Variants in DIAPH2 observed in about 807,000 individuals in gnomAD.
DIAPH2 encodes the protein diaphanous related formin 2.
Under a neutral mutation model 92.7 loss-of-function variants are expected in DIAPH2, and 35 were observed. The ratio of observed to expected loss-of-function variants is 0.38; its 90% CI spans 0.29 to 0.50. DIAPH2 has a LOEUF of 0.50. Among genes scored for constraint, DIAPH2 ranks in the 20% least tolerant of loss-of-function variants. The pLI is 0.94. For synonymous variants in DIAPH2, 301 were observed against 280.4 expected (o/e 1.07, Z -0.73); for missense variants, 701 against 819.5 (o/e 0.86, Z 1.77).
At chrX:96,755,908 G>A (rs1569385201) in intron 3 of DIAPH2, among the ~76,000 whole-genome samples, 1 of 106,064 alleles carries the variant, frequency 9.4e-6, no homozygotes. Flanking sequence ...CAGATTTCCA[G>A]GCTGGAGTGC....
chrX:97,375,003 A>G (rs1378236052), intron 24 of DIAPH2, among the ~76,000 whole-genome samples: 1 of 111,692 alleles, frequency 9.0e-6, no homozygotes, highest in Non-Finnish European at 1.9e-5. Context: ...ATGAGTCCTG[A>G]TTTACTTTTG....
chrX:97,475,580 T>C (rs777865081), intron 26 of DIAPH2, among the ~76,000 whole-genome samples: 7 of 111,849 alleles, frequency 6.3e-5, no homozygotes, highest in Non-Finnish European at 1.1e-4. Flanking sequence ...AGGTGTTCTT[T>C]TTTATTCGTG....
intron 17 of DIAPH2, among the ~76,000 whole-genome samples, chrX:97,045,993 A>C (rs146607951): frequency 0.043 from 4,598 of 106,608 alleles, 275 homozygotes; most frequent in African/African-American, 0.15. Flanking sequence ...AGCTGGGACT[A>C]CTACAGGTGC....
intron 26 of DIAPH2, among the ~76,000 whole-genome samples, chrX:97,456,342 G>C (rs1279422327): frequency 9.2e-6 from 1 of 109,079 alleles, no homozygotes; most frequent in African/African-American, 3.3e-5. Flanking sequence ...AGCCGAGATC[G>C]CGCCGCTGCA....
At chrX:97,366,973 T>C (rs1336619709) in intron 24 of DIAPH2, among the ~76,000 whole-genome samples, 3 of 112,008 alleles carry the variant, frequency 2.7e-5, no homozygotes, top group Non-Finnish European at 5.6e-5. Flanking sequence ...TACAGAAGTT[T>C]ACATTGAAAG....
chrX:97,084,845 A>G (rs939432760), intron 19 of DIAPH2, among the ~76,000 whole-genome samples: 1 of 111,752 alleles, frequency 8.9e-6, no homozygotes, highest in Non-Finnish European at 1.9e-5. Flanking sequence ...AAAACCTTTT[A>G]ATATTTATAC....
At chrX:96,932,010 T>TTA (rs2147794639) in intron 10 of DIAPH2, among the ~76,000 whole-genome samples, 1 of 111,337 alleles carries the variant, frequency 9.0e-6, no homozygotes, top group African/African-American at 3.3e-5. Flanking sequence ...TATTCACCAA[T>TTA]TATAGTTAGT....
intron 8 of DIAPH2, among the ~76,000 whole-genome samples, chrX:96,917,104 A>G (rs2065509598): frequency 8.9e-6 from 1 of 111,805 alleles, no homozygotes; most frequent in Non-Finnish European, 1.9e-5. Flanking sequence ...GTTGTTGCTG[A>G]ACATGCATTT....
At chrX:97,551,538 C>T (rs1057187225) in intron 26 of DIAPH2, among the ~76,000 whole-genome samples, 2 of 107,034 alleles carry the variant, frequency 1.9e-5, no homozygotes, top group East Asian at 2.9e-4. Context: ...TGTAGTGAGC[C>T]GAGATCGTGC....
At chrX:96,946,477 G>T (rs969572031) in intron 14 of DIAPH2, among the ~76,000 whole-genome samples, 6 of 111,419 alleles carry the variant, frequency 5.4e-5, no homozygotes, top group African/African-American at 1.6e-4. Flanking sequence ...AATCACTTTT[G>T]CTATCACTCT....
At chrX:97,291,635 C>T (rs1009294040) in intron 23 of DIAPH2, among the ~76,000 whole-genome samples, 5 of 108,500 alleles carry the variant, frequency 4.6e-5, no homozygotes, top group East Asian at 5.9e-4. Context: ...TGGTTTCAAG[C>T]GATTCTCCCA....
At chrX:97,201,872 C>G (rs2067753738) in intron 22 of DIAPH2, among the ~76,000 whole-genome samples, 1 of 110,950 alleles carries the variant, frequency 9.0e-6, no homozygotes, top group African/African-American at 3.3e-5. Flanking sequence ...TCATCAGATT[C>G]TCCAAGGTTG....
At chrX:96,690,308 G>T (rs2063792488) in intron 1 of DIAPH2, among the ~76,000 whole-genome samples, 1 of 111,547 alleles carries the variant, frequency 9.0e-6, no homozygotes, top group Non-Finnish European at 1.9e-5. Context: ...TTTCTGATGA[G>T]CCATTTAGCA....
rs1184324413 is a variant in DIAPH2, at chrX:97,601,049, A to G, written c.*1732A>G. On this transcript the variant is annotated 3_prime_UTR_variant, in exon 27 of 27. Coordinates refer to ENST00000324765, the MANE Select transcript of DIAPH2 (RefSeq NM_006729.5). ...AACACACATACACAAATGCACACAC[A>G]TGCACACACACATTTAAGGGACATA... The G allele has an allele frequency of 8.9e-6, 1 of 112,616 alleles. No individual in the cohort carries two copies. The highest frequency in any genetic ancestry group is 1.9e-5 in the Non-Finnish European group (1 of 53,307). 9.3% of individuals were successfully genotyped at this position (112,616 alleles called of 1,213,427 possible).
At position 96,939,738 on chromosome X, in the gene DIAPH2, C is replaced by T. The variant is rs1273214260; in HGVS notation, c.1325+356C>T. ...GGAGTGCAGTGGCGCGATCTCGACT[C>T]ACTGCAAGCTCCGCCTCCCGGGTTC... On this transcript the variant is annotated intron_variant, in intron 12 of 26. Coordinates refer to ENST00000324765, the MANE Select transcript of DIAPH2 (RefSeq NM_006729.5). Among the ~76,000 whole-genome samples, 24 of 71,486 alleles carry T rather than the reference C, an allele frequency of 3.4e-4. 1 individual carries two copies. The highest frequency in any genetic ancestry group is 1.6e-3 in the Admixed American group (11 of 6,680). The allele number at this position is 71,486 out of a possible 115,157, so 62.1% of individuals were successfully genotyped here.
At chrX:96,686,247 G>T (rs761686219) in intron 1 of DIAPH2, among the ~76,000 whole-genome samples, 1 of 111,485 alleles carries the variant, frequency 9.0e-6, no homozygotes, top group Non-Finnish European at 1.9e-5. Flanking sequence ...GTTTCTTATG[G>T]CATCTGGCCA....
intron 22 of DIAPH2, among the ~76,000 whole-genome samples, chrX:97,170,891 T>A (rs1372839809): frequency 9.0e-6 from 1 of 110,767 alleles, no homozygotes; most frequent in East Asian, 2.8e-4. Flanking sequence ...TTATTTATTT[T>A]TTTGAGATGG....
At chrX:97,508,084 C>T (rs558386209) in intron 26 of DIAPH2, among the ~76,000 whole-genome samples, 9 of 111,780 alleles carry the variant, frequency 8.1e-5, no homozygotes, top group African/African-American at 2.6e-4. Flanking sequence ...TCTGTCCCCA[C>T]ACCAAACCAT....
chrX:97,134,161 A>T (rs764870618), intron 21 of DIAPH2, among the ~76,000 whole-genome samples: 2 of 111,767 alleles, frequency 1.8e-5, no homozygotes, highest in South Asian at 7.6e-4. Flanking sequence ...CTGAAGAGCA[A>T]TGTATCTGGA....
Sources: allele counts gnomAD v4.1 joint callset (sites outside exome capture counted in the v4.1 genomes callset), GRCh38; gene constraint gnomAD v4.1.1; transcripts MANE v1.5; gene names NCBI Gene and HGNC (gene_info 2026-07-23, HGNC 2026-07-21).